Variants in RBFOX1 observed in about 807,000 individuals in gnomAD.
The protein encoded by RBFOX1 is RNA binding protein fox-1 homolog 1.
RBFOX1 carries 8 observed loss-of-function variants against 57.7 expected under a neutral mutation model. That is an observed-to-expected ratio of 0.14 (90% CI 0.08 to 0.25). The LOEUF (loss-of-function observed/expected upper bound fraction) is 0.25, where lower values mean the gene tolerates loss of function less well. RBFOX1 is among the 10% of genes least tolerant of loss of function. The pLI is 1.00. For missense variants in RBFOX1, 611 were observed against 548.5 expected (o/e 1.11, Z -1.14); for synonymous variants, 326 against 222.4 (o/e 1.47, Z -4.15).
At chr16:6,989,619 T>C (rs1267582920) in intron 3 of RBFOX1, among the ~76,000 whole-genome samples, 1 of 152,170 alleles carries the variant, frequency 6.6e-6, no homozygotes, top group African/African-American at 2.4e-5. Context: ...GGACAGAAGT[T>C]ATCTCTGCAG....
chr16:5,775,794 A>G (rs896277828), intron 3 of RBFOX1, among the ~76,000 whole-genome samples: 6 of 152,256 alleles, frequency 3.9e-5, no homozygotes, highest in African/African-American at 1.4e-4. Flanking sequence ...GGAGCTAGCA[A>G]TGTCCAGATG....
intron 4 of RBFOX1, among the ~76,000 whole-genome samples, chr16:7,276,535 A>T (rs2095443514): frequency 6.6e-6 from 1 of 152,026 alleles, no homozygotes. Context: ...TCTAAGTAGG[A>T]GGCTTCTATC....
chr16:5,475,761 T>C (rs1164794207), intron 2 of RBFOX1, among the ~76,000 whole-genome samples: 3 of 152,202 alleles, frequency 2.0e-5, no homozygotes, highest in Admixed American at 1.3e-4. Context: ...TCTGAGGAAG[T>C]GGCAGAGCCA....
At chr16:6,877,171 C>A (rs914372638) in intron 3 of RBFOX1, among the ~76,000 whole-genome samples, 3 of 152,150 alleles carry the variant, frequency 2.0e-5, no homozygotes, top group African/African-American at 4.8e-5. Context: ...AAAAAGATAT[C>A]TTATTTCTGC....
intron 4 of RBFOX1, among the ~76,000 whole-genome samples, chr16:7,213,611 G>A (rs1459951224): frequency 2.0e-5 from 3 of 151,886 alleles, no homozygotes; most frequent in Non-Finnish European, 4.4e-5. Flanking sequence ...TATGATGGGA[G>A]CTTACCGTGT....
At chr16:5,374,841 G>A (rs556946822) in intron 1 of RBFOX1, among the ~76,000 whole-genome samples, 62 of 151,784 alleles carry the variant, frequency 4.1e-4, no homozygotes, top group Non-Finnish European at 1.0e-4. Context: ...CCAATAAAAT[G>A]TTGATAGAAA....
intron 3 of RBFOX1, among the ~76,000 whole-genome samples, chr16:5,624,759 G>T (rs778388934): frequency 2.0e-5 from 3 of 152,252 alleles, no homozygotes; most frequent in African/African-American, 7.2e-5. Flanking sequence ...CTTTGAGCTT[G>T]CCTCAGGGAC....
chr16:7,514,591 G>A (rs972294947), intron 4 of RBFOX1, among the ~76,000 whole-genome samples: 4 of 152,132 alleles, frequency 2.6e-5, no homozygotes, highest in African/African-American at 9.7e-5. Context: ...CAGCATCAAG[G>A]AAAGCCTGCT....
intron 1 of RBFOX1, among the ~76,000 whole-genome samples, chr16:5,335,669 G>A (rs933179444): frequency 1.3e-5 from 2 of 152,018 alleles, no homozygotes; most frequent in African/African-American, 4.8e-5. Flanking sequence ...TGTGTGGAGT[G>A]GCACGGTGTG....
intron 3 of RBFOX1, among the ~76,000 whole-genome samples, chr16:6,700,376 G>C (rs2061648428): frequency 6.6e-6 from 1 of 151,142 alleles, no homozygotes; most frequent in African/African-American, 2.4e-5. Flanking sequence ...AAAGAATTTT[G>C]ACCAGGTGTC....
intron 2 of RBFOX1, among the ~76,000 whole-genome samples, chr16:5,588,858 A>C (rs1165376147): frequency 6.6e-6 from 1 of 152,166 alleles, no homozygotes; most frequent in African/African-American, 2.4e-5. Flanking sequence ...AGGATTTTGC[A>C]GGTGGAGGTA....
At chr16:5,882,438 C>G (rs889050945) in intron 4 of RBFOX1, among the ~76,000 whole-genome samples, 3 of 152,200 alleles carry the variant, frequency 2.0e-5, no homozygotes, top group Non-Finnish European at 2.9e-5. Context: ...GGCCAGAACT[C>G]AGTCACTTGG....
intron 2 of RBFOX1, among the ~76,000 whole-genome samples, chr16:6,341,633 G>T (rs543665452): frequency 6.6e-6 from 1 of 151,648 alleles, no homozygotes; most frequent in African/African-American, 2.4e-5. Flanking sequence ...TGATAGTAAA[G>T]CACATCTTCC....
chr16:6,692,513 G>A (rs970351311), intron 3 of RBFOX1, among the ~76,000 whole-genome samples: 13 of 152,156 alleles, frequency 8.5e-5, no homozygotes, highest in Non-Finnish European at 1.6e-4. Context: ...CAAACAGCAT[G>A]TGTCGGCCTC....
At chr16:5,725,633 T>A (rs996446375) in intron 3 of RBFOX1, among the ~76,000 whole-genome samples, 2 of 151,386 alleles carry the variant, frequency 1.3e-5, no homozygotes, top group African/African-American at 4.9e-5. Flanking sequence ...GCAAGAGTGC[T>A]CATAAGATCC....
intron 3 of RBFOX1, among the ~76,000 whole-genome samples, chr16:6,852,016 C>G (rs1484396942): frequency 6.7e-6 from 1 of 148,418 alleles, no homozygotes; most frequent in Non-Finnish European, 1.5e-5. Context: ...AGCTCCATCT[C>G]CCGGGTTCAT....
intron 3 of RBFOX1, among the ~76,000 whole-genome samples, chr16:6,888,171 C>G (rs1369328966): frequency 6.6e-6 from 1 of 152,108 alleles, no homozygotes; most frequent in Non-Finnish European, 1.5e-5. Context: ...GTAGTTGTGA[C>G]ATTTTGAACA....
At chr16:7,450,517 C>G (rs920297184) in intron 4 of RBFOX1, among the ~76,000 whole-genome samples, 1 of 151,976 alleles carries the variant, frequency 6.6e-6, no homozygotes, top group African/African-American at 2.4e-5. Flanking sequence ...TAACGGCCCC[C>G]GACTCCCACT....
At chr16:7,278,513 A>G (rs1042015367) in intron 4 of RBFOX1, among the ~76,000 whole-genome samples, 1 of 152,200 alleles carries the variant, frequency 6.6e-6, no homozygotes, top group African/African-American at 2.4e-5. Context: ...CATACCTTTT[A>G]AGAAAGTGTA....
Sources: gnomAD v4.1 joint callset for allele counts (sites outside exome capture counted in the v4.1 genomes callset) on GRCh38, gnomAD v4.1.1 for gene constraint, MANE v1.5 for transcripts, NCBI Gene and HGNC (gene_info 2026-07-23, HGNC 2026-07-21) for gene names.